Variants in DENND1B observed in about 807,000 individuals in gnomAD.
The protein encoded by DENND1B is DENN domain-containing protein 1B.
A neutral mutation model predicts 90.1 loss-of-function variants in DENND1B; 59 were observed. The ratio of observed to expected loss-of-function variants is 0.65; its 90% CI spans 0.53 to 0.81. The LOEUF (loss-of-function observed/expected upper bound fraction) is 0.81. Among genes scored for constraint, DENND1B ranks in the 40% least tolerant of loss-of-function variants. DENND1B has a pLI of 0.00. For missense variants in DENND1B, 862 were observed against 912.6 expected, an observed-to-expected ratio of 0.94 and a Z score of 0.71; for synonymous variants, 337 against 324.6, an observed-to-expected ratio of 1.04 and a Z score of -0.41.
At chr1:197,657,493 C>T (rs1228519887) in intron 6 of DENND1B, among the ~76,000 whole-genome samples, 1 of 152,104 alleles carries the variant, frequency 6.6e-6, no homozygotes, top group Non-Finnish European at 1.5e-5. Context: ...ATATCACTAA[C>T]CATTAAGGAA....
At chr1:197,639,452 C>T (rs1028987942) in intron 10 of DENND1B, among the ~76,000 whole-genome samples, 26 of 152,140 alleles carry the variant, frequency 1.7e-4, no homozygotes, top group Non-Finnish European at 3.7e-4. Context: ...ACCACTAAAA[C>T]CTACAGCAAG....
intron 20 of DENND1B, among the ~76,000 whole-genome samples, chr1:197,524,125 A>G (rs1315626362): frequency 6.6e-6 from 1 of 152,114 alleles, no homozygotes; most frequent in African/African-American, 2.4e-5. Context: ...TAAGACAAAC[A>G]AAAAAATCAA....
chr1:197,630,210 T>G (rs1401404732), intron 10 of DENND1B, among the ~76,000 whole-genome samples: 1 of 152,128 alleles, frequency 6.6e-6, no homozygotes, highest in African/African-American at 2.4e-5. Flanking sequence ...TCTTAGTCTC[T>G]TTGGGCTACT....
At chr1:197,562,418 A>G (rs1405617656) in intron 15 of DENND1B, among the ~76,000 whole-genome samples, 6 of 151,894 alleles carry the variant, frequency 4.0e-5, no homozygotes, top group African/African-American at 1.4e-4. Flanking sequence ...CATATTTTGG[A>G]AACTCTTACA....
chr1:197,697,083 A>G (rs1230485195), intron 3 of DENND1B, among the ~76,000 whole-genome samples: 2 of 140,208 alleles, frequency 1.4e-5, no homozygotes, highest in African/African-American at 5.6e-5. Context: ...CAGAAATTCC[A>G]CAAAAAAAAA....
chr1:197,715,550 A>G (rs532697390), intron 2 of DENND1B, among the ~76,000 whole-genome samples: 1 of 151,992 alleles, frequency 6.6e-6, no homozygotes, highest in South Asian at 2.1e-4. Flanking sequence ...AAGATTTACA[A>G]AAACTGTAAT....
rs145882547 is a variant in DENND1B, at chr1:197,627,820, C to G, written c.673-10061G>C. ...AAAATCTCCTGAAGCTGATGAGCAA[C>G]TTCAGCAAAGTCTCAGGATACAAAA... is the stretch of plus-strand genomic sequence containing the variant. On this transcript the variant is annotated intron_variant, in intron 10 of 22. Transcript: ENST00000620048. Among the ~76,000 whole-genome samples, 898 of 152,254 alleles carry G rather than the reference C, an allele frequency of 5.9e-3. 13 individuals carry two copies. The highest frequency in any genetic ancestry group is 0.02 in the African/African-American group (840 of 41,542).
chr1:197,768,681 A>T (rs1369711737), intron 2 of DENND1B, among the ~76,000 whole-genome samples: 1 of 152,090 alleles, frequency 6.6e-6, no homozygotes, highest in Non-Finnish European at 1.5e-5. Flanking sequence ...GGAAACCTCC[A>T]TTAAAAAAAA....
chr1:197,542,917 T>TTTA (rs1670444782), intron 18 of DENND1B, among the ~76,000 whole-genome samples: 11 of 148,124 alleles, frequency 7.4e-5, no homozygotes, highest in East Asian at 4.0e-4. Context: ...TAGAAACCTT[T>TTTA]TTTATTTATT....
At chr1:197,633,050 A>G (rs983877800) in intron 10 of DENND1B, among the ~76,000 whole-genome samples, 3 of 152,204 alleles carry the variant, frequency 2.0e-5, no homozygotes, top group Admixed American at 6.5e-5. Flanking sequence ...ATTTTACCAG[A>G]TAAAGATCCT....
chr1:197,511,378 A>G lies in DENND1B; in HGVS notation c.1815+350T>C, dbSNP rs377342920. 1.4e-4 allele frequency among the ~76,000 whole-genome samples: 22 copies of G among 151,968 alleles called. 2 individuals carry two copies. The East Asian group carries it at 1.8e-3, about 12-fold the overall frequency. ...TGATTTGAATGAATACATTTACTGA[A>G]GTTTTTTTGAAAACTCAGGAAATAT... On this transcript the variant is annotated intron_variant, in intron 22 of 22. Coordinates refer to ENST00000620048, the MANE Select transcript of DENND1B (RefSeq NM_001195215.2).
At chr1:197,583,534 T>C (rs1674430355) in intron 14 of DENND1B, among the ~76,000 whole-genome samples, 1 of 152,174 alleles carries the variant, frequency 6.6e-6, no homozygotes, top group Non-Finnish European at 1.5e-5. Context: ...CATCATCAGA[T>C]TGAATTATGA....
Position 197,508,640 on chromosome 1 carries a change from T to C in DENND1B, c.*1820A>G, listed in dbSNP as rs1389316561. The C allele has an allele frequency of 2.0e-5, 3 of 151,768 alleles. No homozygotes were observed. Among genetic ancestry groups the C allele is most frequent in the Admixed American group, 6.6e-5 (1 of 15,184 alleles). The allele number at this position is 151,768 out of a possible 1,614,324, so 9.4% of individuals were successfully genotyped here. ...TCTAGGATTTTAGCTGAAATTATAT[T>C]CTTTCAATAAATATTTAGAATATAG... On this transcript the variant is annotated 3_prime_UTR_variant, in exon 23 of 23. Coordinates refer to ENST00000620048, the MANE Select transcript of DENND1B (RefSeq NM_001195215.2).
chr1:197,601,714 G>C (rs12144001), intron 13 of DENND1B, among the ~76,000 whole-genome samples: 5,082 of 151,626 alleles, frequency 0.034, 126 homozygotes, highest in Middle Eastern at 0.075. Context: ...AGACATAAAG[G>C]GGGGTATTAC....
intron 2 of DENND1B, among the ~76,000 whole-genome samples, chr1:197,770,811 A>T (rs10922279): frequency 1.1e-4 from 15 of 139,320 alleles, no homozygotes; most frequent in Middle Eastern, 3.8e-3. Context: ...TATATATATA[A>T]ATATATATGT....
intron 10 of DENND1B, among the ~76,000 whole-genome samples, chr1:197,622,549 G>A (rs114192746): frequency 4.2e-4 from 63 of 151,402 alleles, no homozygotes; most frequent in Middle Eastern, 3.4e-3. Context: ...TCTTTGGACC[G>A]GACAATCAAA....
chr1:197,698,271 C>A (rs915477628), intron 3 of DENND1B, among the ~76,000 whole-genome samples: 3 of 152,082 alleles, frequency 2.0e-5, no homozygotes, highest in African/African-American at 7.2e-5. Flanking sequence ...TCACTCGAAA[C>A]CCCACAATTA....
intron 20 of DENND1B, among the ~76,000 whole-genome samples, chr1:197,523,223 C>T (rs1005498600): frequency 2.0e-5 from 3 of 152,012 alleles, no homozygotes; most frequent in Non-Finnish European, 4.4e-5. Context: ...CCTCCCAAGA[C>T]TGCTGGGGGA....
intron 20 of DENND1B, among the ~76,000 whole-genome samples, chr1:197,517,243 T>C (rs2125603924): frequency 6.6e-6 from 1 of 152,014 alleles, no homozygotes; most frequent in South Asian, 2.1e-4. Context: ...GTTGCCTTAC[T>C]TGGGGGAAGT....
Sources: allele counts gnomAD v4.1 joint callset (sites outside exome capture counted in the v4.1 genomes callset), GRCh38; gene constraint gnomAD v4.1.1; transcripts MANE v1.5; gene names NCBI Gene and HGNC (gene_info 2026-07-23, HGNC 2026-07-21).